The following CDKAL1 variants were observed in gnomAD, a reference collection of about 807,000 sequenced individuals.
CDKAL1 encodes the protein threonylcarbamoyladenosine tRNA methylthiotransferase.
A neutral mutation model predicts 68.2 loss-of-function variants in CDKAL1; 32 were observed. The ratio of observed to expected loss-of-function variants is 0.47; its 90% CI spans 0.35 to 0.63. The LOEUF is 0.63. CDKAL1 is among the 30% of genes least tolerant of loss of function. The probability of loss-of-function intolerance (pLI) is 0.00; values close to 1 mark genes in which losing one functional copy is unlikely to be tolerated. For synonymous variants in CDKAL1, 234 were observed against 244.3 expected (o/e 0.96, Z 0.39); for missense variants, 606 against 696.7 (o/e 0.87, Z 1.47).
At chr6:21,226,905 G>C (rs1779769947) in intron 15 of CDKAL1, among the ~76,000 whole-genome samples, 1 of 152,148 alleles carries the variant, frequency 6.6e-6, no homozygotes, top group African/African-American at 2.4e-5. Flanking sequence ...ATAGAGACGG[G>C]GTTTCACCGT....
In CDKAL1 at chr6:20,706,482, A is replaced by G. The variant is rs112814643; in HGVS notation, c.372-33037A>G. 2.2e-3 allele frequency among the ~76,000 whole-genome samples: 331 copies of G among 152,302 alleles called. 1 individual carries two copies. Among genetic ancestry groups the G allele is most frequent in the Middle Eastern group, 0.01 (3 of 294 alleles). ...GTAAACTACTACAATCCAGACTTTAATGGCACTGGACACACCTTTCTCCTC... is the reference window on the plus strand; with the variant it reads ...GTAAACTACTACAATCCAGACTTTAGTGGCACTGGACACACCTTTCTCCTC... On this transcript the variant is annotated intron_variant, in intron 5 of 15. Transcript: ENST00000274695.
At chr6:20,814,481 T>C (rs188438228) in intron 8 of CDKAL1, among the ~76,000 whole-genome samples, 25 of 152,330 alleles carry the variant, frequency 1.6e-4, no homozygotes, top group African/African-American at 5.8e-4. Flanking sequence ...AGTTTCACCA[T>C]GTTGGCCAGC....
At chr6:21,110,944 G>C (rs1452480840) in intron 13 of CDKAL1, among the ~76,000 whole-genome samples, 1 of 152,062 alleles carries the variant, frequency 6.6e-6, no homozygotes, top group Non-Finnish European at 1.5e-5. Context: ...ACTTCAGCCT[G>C]GGCAACAGAG....
chr6:20,667,004 C>T (rs569396275), intron 5 of CDKAL1, among the ~76,000 whole-genome samples: 1 of 126,764 alleles, frequency 7.9e-6, no homozygotes, highest in African/African-American at 3.4e-5. Context: ...AAACAAATGT[C>T]TATGTTCTCT....
At chr6:20,889,141 A>T (rs1250281558) in intron 9 of CDKAL1, among the ~76,000 whole-genome samples, 3 of 151,802 alleles carry the variant, frequency 2.0e-5, no homozygotes, top group African/African-American at 7.3e-5. Flanking sequence ...GCATTTTTTC[A>T]TGTGTTTTTT....
intron 13 of CDKAL1, among the ~76,000 whole-genome samples, chr6:21,144,526 A>T (rs1227908857): frequency 6.6e-6 from 1 of 151,714 alleles, no homozygotes; most frequent in African/African-American, 2.4e-5. Context: ...TGGCCCACGT[A>T]TGTAATCCTA....
intron 5 of CDKAL1, among the ~76,000 whole-genome samples, chr6:20,734,063 C>A: frequency 6.8e-6 from 1 of 148,028 alleles, no homozygotes; most frequent in Admixed American, 6.9e-5. Context: ...GCAGGAGAAT[C>A]AATTGAACCT....
intron 6 of CDKAL1, among the ~76,000 whole-genome samples, chr6:20,744,739 A>G (rs1773595196): frequency 6.6e-6 from 1 of 152,222 alleles, no homozygotes; most frequent in African/African-American, 2.4e-5. Flanking sequence ...CAGTTATTAC[A>G]GTATCCATTA....
intron 2 of CDKAL1, among the ~76,000 whole-genome samples, chr6:20,536,653 T>C (rs915545220): frequency 2.6e-5 from 4 of 152,208 alleles, no homozygotes; most frequent in African/African-American, 9.6e-5. Flanking sequence ...TGCTAGGTTT[T>C]ACTCAAAATA....
At chr6:20,538,769 G>A (rs1763274628) in intron 2 of CDKAL1, among the ~76,000 whole-genome samples, 1 of 152,114 alleles carries the variant, frequency 6.6e-6, no homozygotes, top group African/African-American at 2.4e-5. Flanking sequence ...TAGGGGTTGG[G>A]CATTTACTTC....
At chr6:21,175,316 T>C (rs1485496202) in intron 13 of CDKAL1, among the ~76,000 whole-genome samples, 1 of 152,220 alleles carries the variant, frequency 6.6e-6, no homozygotes, top group Non-Finnish European at 1.5e-5. Context: ...GATGATAAAA[T>C]AGGTTTTCTG....
At chr6:20,837,936 A>AG (rs1017015336) in intron 8 of CDKAL1, among the ~76,000 whole-genome samples, 29 of 59,456 alleles carry the variant, frequency 4.9e-4, no homozygotes, top group Non-Finnish European at 9.2e-4. Flanking sequence ...CTGGGAAGAA[A>AG]TTGTGTGTGT....
intron 4 of CDKAL1, among the ~76,000 whole-genome samples, chr6:20,640,068 G>A (rs189178163): frequency 3.1e-4 from 47 of 152,288 alleles, no homozygotes; most frequent in African/African-American, 1.1e-3. Context: ...TTAGTAGGCA[G>A]TCAATGATTT....
At chr6:21,197,633 A>T (rs1778525499) in intron 13 of CDKAL1, among the ~76,000 whole-genome samples, 1 of 152,200 alleles carries the variant, frequency 6.6e-6, no homozygotes, top group Non-Finnish European at 1.5e-5. Context: ...ATTTTCATGA[A>T]TTTGGATTAG....
chr6:20,733,970 G>A (rs1041362505), intron 5 of CDKAL1, among the ~76,000 whole-genome samples: 2 of 151,932 alleles, frequency 1.3e-5, no homozygotes, highest in African/African-American at 4.8e-5. Context: ...CCAACATGGT[G>A]AAACCCCGTC....
At chr6:20,697,548 T>G (rs531774111) in intron 5 of CDKAL1, among the ~76,000 whole-genome samples, 1 of 152,294 alleles carries the variant, frequency 6.6e-6, no homozygotes, top group Admixed American at 6.5e-5. Flanking sequence ...CTTGATTATT[T>G]TTGAGGTACA....
chr6:21,153,063 G>A lies in CDKAL1; in HGVS notation c.1299+44600G>A, dbSNP rs1240831907. Among the ~76,000 whole-genome samples the A allele has an allele frequency of 2.0e-5, 3 of 151,982 alleles. No individual in the cohort carries two copies. The East Asian group carries it at 5.8e-4, about 29-fold the overall frequency. On this transcript the variant is annotated intron_variant, in intron 13 of 15. Transcript: ENST00000274695. ...TTCATGTTCACTGGTTCAGAAGTAG[G>A]TGATGTTTTGAAAATTCATTTTTAT... is the stretch of plus-strand genomic sequence containing the variant.
chr6:20,590,521 C>T (rs1477865148), intron 4 of CDKAL1, among the ~76,000 whole-genome samples: 8 of 152,044 alleles, frequency 5.3e-5, no homozygotes, highest in Admixed American at 5.2e-4. Flanking sequence ...CCCCACTCCC[C>T]AACAGCCCCC....
chr6:20,564,533 C>G (rs1213016554), intron 4 of CDKAL1, among the ~76,000 whole-genome samples: 2 of 152,064 alleles, frequency 1.3e-5, no homozygotes, highest in African/African-American at 4.8e-5. Flanking sequence ...GTAAAGTTTA[C>G]TAGGACCAGG....
Sources: allele counts gnomAD v4.1 joint callset (sites outside exome capture counted in the v4.1 genomes callset), GRCh38; gene constraint gnomAD v4.1.1; transcripts MANE v1.5; gene names NCBI Gene and HGNC (gene_info 2026-07-23, HGNC 2026-07-21).